The following MAS1 variants were observed in gnomAD, a reference collection of about 807,000 sequenced individuals.
The protein encoded by MAS1 is proto-oncogene Mas.
For missense variants in MAS1, 387 were observed against 409.7 expected (o/e 0.94, Z 0.48); for synonymous variants, 163 against 164.2 (o/e 0.99, Z 0.05).
chr6:159,904,197 A>C (rs1352765726), intron 2 of MAS1, among the ~76,000 whole-genome samples: 1 of 151,858 alleles, frequency 6.6e-6, no homozygotes, highest in Non-Finnish European at 1.5e-5. Flanking sequence ...CAGTCCTTGA[A>C]TGTCTTCTCC....
At chr6:159,904,996 C>G (rs1782868240) in intron 2 of MAS1, among the ~76,000 whole-genome samples, 1 of 152,172 alleles carries the variant, frequency 6.6e-6, no homozygotes, top group African/African-American at 2.4e-5. Context: ...TGAGACGTTT[C>G]CCATCACACT....
At position 159,914,049 on chromosome 6, in the gene MAS1, G is replaced by A. The variant is rs1346691420; in HGVS notation, c.*6116G>A. 6.6e-6 allele frequency: 1 copy of A among 152,196 alleles called. No individual in the cohort carries two copies. Among genetic ancestry groups the A allele is most frequent in the Non-Finnish European group, 1.5e-5 (1 of 68,040 alleles). 9.4% of individuals were successfully genotyped at this position (152,196 alleles called of 1,614,324 possible). Reference sequence around the variant, plus strand: ...TCAAATGATAAGAGGCAAGTGCCAGGCACAAATGAAACACTCTTTTCTGGA... The same window carrying A: ...TCAAATGATAAGAGGCAAGTGCCAGACACAAATGAAACACTCTTTTCTGGA... On this transcript the variant is annotated 3_prime_UTR_variant, in exon 3 of 3. Coordinates refer to ENST00000674077, the MANE Select transcript of MAS1 (RefSeq NM_002377.4).
rs1285095158 is a variant in MAS1 at position 159,917,000 on chromosome 6, G to T, written c.*9067G>T. ...TAAAAATGTAAAAAAACTATTCTCA[G>T]CTTGTGGGTTTTACAAAAACAGGTG... On this transcript the variant is annotated 3_prime_UTR_variant, in exon 3 of 3. Coordinates refer to ENST00000674077, the MANE Select transcript of MAS1 (RefSeq NM_002377.4). 1.3e-5 allele frequency among the ~76,000 whole-genome samples: 2 copies of T among 152,188 alleles called. No homozygotes were observed. Among genetic ancestry groups the T allele is most frequent in the African/African-American group, 4.8e-5 (2 of 41,440 alleles).
chr6:159,905,360 G>A (rs572725345), intron 2 of MAS1, among the ~76,000 whole-genome samples: 2 of 152,284 alleles, frequency 1.3e-5, no homozygotes, highest in Admixed American at 6.5e-5. Context: ...GTTCTTTTCC[G>A]GGTCTCTGTC....
chr6:159,914,505 A>T lies in MAS1; in HGVS notation c.*6572A>T, dbSNP rs1441384017. 2.0e-5 allele frequency: 3 copies of T among 152,340 alleles called. No homozygotes were observed. In the East Asian group the frequency reaches 5.8e-4, roughly 29 times the overall value. 9.4% of individuals were successfully genotyped at this position (152,340 alleles called of 1,614,324 possible). A position where few individuals can be genotyped will look rare whatever the true frequency, so the allele number is the denominator to read the frequency against. Reference sequence around the variant, plus strand: ...TATTGCTGCTCTGTCAACATTTCCCAGTTCAGGGAAGATGTAAGTGGGTAT... The same window carrying T: ...TATTGCTGCTCTGTCAACATTTCCCTGTTCAGGGAAGATGTAAGTGGGTAT... On this transcript the variant is annotated 3_prime_UTR_variant, in exon 3 of 3. Coordinates refer to ENST00000674077, the MANE Select transcript of MAS1 (RefSeq NM_002377.4).
chr6:159,901,715 G>A (rs1782824204), intron 2 of MAS1, among the ~76,000 whole-genome samples: 1 of 152,062 alleles, frequency 6.6e-6, no homozygotes, highest in African/African-American at 2.4e-5. Flanking sequence ...CAAGCCAGGT[G>A]TGGTAGCATG....
At chr6:159,896,964 C>G (rs935399020) in intron 1 of MAS1, among the ~76,000 whole-genome samples, 7 of 152,128 alleles carry the variant, frequency 4.6e-5, no homozygotes, top group Non-Finnish European at 8.8e-5. Context: ...AGCTCCGCCT[C>G]TCGGGTTCAC....
Position 159,908,101 on chromosome 6 carries a change from G to T in MAS1, c.*168G>T. On this transcript the variant is annotated 3_prime_UTR_variant, in exon 3 of 3. Coordinates refer to ENST00000674077, the MANE Select transcript of MAS1 (RefSeq NM_002377.4). ...ATTGAACTCTTGTACTGTATCTTCTGGAAATGACCTGTCATTTCTGTACTT... is the reference window on the plus strand; with the variant it reads ...ATTGAACTCTTGTACTGTATCTTCTTGAAATGACCTGTCATTTCTGTACTT... 1 of 650,466 alleles carries T rather than the reference G, an allele frequency of 1.5e-6. No individual in the cohort carries two copies. The highest frequency in any genetic ancestry group is 3.8e-5 in the South Asian group (1 of 26,054). The allele number at this position is 650,466 out of a possible 1,614,324, so 40.3% of individuals were successfully genotyped here. A position where few individuals can be genotyped will look rare whatever the true frequency, so the allele number is the denominator to read the frequency against.
Position 159,909,399 on chromosome 6 carries a change from T to G in MAS1, c.*1466T>G, listed in dbSNP as rs1782939926. On this transcript the variant is annotated 3_prime_UTR_variant, in exon 3 of 3. Coordinates refer to ENST00000674077, the MANE Select transcript of MAS1 (RefSeq NM_002377.4). Reference sequence around the variant, plus strand: ...TGCTGCTTGTCCTTCCCCATCCTCTTCCTTTCTCAAAAGAAATGATGTGGG... The same window carrying G: ...TGCTGCTTGTCCTTCCCCATCCTCTGCCTTTCTCAAAAGAAATGATGTGGG... The G allele has an allele frequency of 6.6e-6, 1 of 152,184 alleles. No homozygotes were observed. Among genetic ancestry groups the G allele is most frequent in the Non-Finnish European group, 1.5e-5 (1 of 68,052 alleles). The allele number at this position is 152,184 out of a possible 1,614,324, so 9.4% of individuals were successfully genotyped here.
At position 159,914,025 on chromosome 6, in the gene MAS1, C is replaced by G. The variant is rs922535932; in HGVS notation, c.*6092C>G. 4 of 152,196 alleles carry G rather than the reference C, an allele frequency of 2.6e-5. No individual in the cohort carries two copies. The highest frequency in any genetic ancestry group is 5.9e-5 in the Non-Finnish European group (4 of 68,036). 9.4% of individuals were successfully genotyped at this position (152,196 alleles called of 1,614,324 possible). A position where few individuals can be genotyped will look rare whatever the true frequency, so the allele number is the denominator to read the frequency against. On this transcript the variant is annotated 3_prime_UTR_variant, in exon 3 of 3. Transcript: ENST00000674077. ...CTTACCCAACATGAAACTAATGATTCAAATGATAAGAGGCAAGTGCCAGGC... is the reference window on the plus strand; with the variant it reads ...CTTACCCAACATGAAACTAATGATTGAAATGATAAGAGGCAAGTGCCAGGC...
At position 159,894,967 on chromosome 6, in the gene MAS1, A is replaced by C. The variant is rs375454813; in HGVS notation, c.-244+3834A>C. On this transcript the variant is annotated intron_variant, in intron 1 of 2. Transcript: ENST00000674077. ...GTATTGGGTAGGTGGTGCTTTAATA[A>C]ATAAAAATCCATTCTTTGATAAATA... Among the ~76,000 whole-genome samples the C allele has an allele frequency of 5.8e-4, 88 of 152,330 alleles. 1 individual carries two copies. Among genetic ancestry groups the C allele is most frequent in the Middle Eastern group, 6.8e-3 (2 of 294 alleles).
chr6:159,890,378 G>A (rs958053614), upstream of MAS1, among the ~76,000 whole-genome samples: 8 of 152,144 alleles, frequency 5.3e-5, no homozygotes, highest in South Asian at 2.1e-4. Context: ...AGGAGCCCCC[G>A]GACCAGGCTG....
At position 159,907,515 on chromosome 6, in the gene MAS1, T is replaced by A; in HGVS notation, c.560T>A (p.Val187Asp). 3.7e-6 allele frequency: 6 copies of A among 1,613,982 alleles called. No homozygotes were observed. The highest frequency in any genetic ancestry group is 5.1e-6 in the Non-Finnish European group (6 of 1,180,004). The stretch of plus-strand genomic sequence containing the variant: ...CACTCTCGGAATGACTGCCGAGCAG[T>A]CATCATCTTTATAGCCATCCTGAGC... ...ESHSRNDCRA[V>D]IIFIAILSFL... Residue 187 changes from valine to aspartate, a missense_variant, in exon 3 of 3, where the codon GTC becomes GAC. Transcript: ENST00000674077.
At position 159,908,977 on chromosome 6, in the gene MAS1, CT is replaced by C. The variant is rs397972070; in HGVS notation, c.*1059del. 4.5e-3 allele frequency: 617 copies of C among 136,400 alleles called. 1 individual carries two copies. The highest frequency in any genetic ancestry group is 6.1e-3 in the African/African-American group (226 of 37,292). The allele number at this position is 136,400 out of a possible 1,614,324, so 8.4% of individuals were successfully genotyped here. ...CTGTCTGCCTCCTCTCCTCCTGAGGCTTTTTTTTTTTTTTTCATCACACCTG... is the reference window on the plus strand; with the variant it reads ...CTGTCTGCCTCCTCTCCTCCTGAGGCTTTTTTTTTTTTTTCATCACACCTG... On this transcript the variant is annotated 3_prime_UTR_variant, in exon 3 of 3. Transcript: ENST00000674077.
intron 1 of MAS1, among the ~76,000 whole-genome samples, chr6:159,891,941 A>G (rs1198555140): frequency 1.3e-5 from 2 of 152,122 alleles, no homozygotes; most frequent in African/African-American, 4.8e-5. Context: ...CTTGTATATT[A>G]TAGGATGTTT....
chr6:159,903,072 G>A lies in MAS1; in HGVS notation c.-37+3680G>A, dbSNP rs74352300. Among the ~76,000 whole-genome samples, 975 of 152,068 alleles carry A rather than the reference G, an allele frequency of 6.4e-3. 6 individuals carry two copies. Among genetic ancestry groups the A allele is most frequent in the African/African-American group, 0.02 (830 of 41,464 alleles). On this transcript the variant is annotated intron_variant, in intron 2 of 2. Coordinates refer to ENST00000674077, the MANE Select transcript of MAS1 (RefSeq NM_002377.4). ...CACTGCCCCAGGCTCAGTTTTAAGC[G>A]TCACGTTCTCCAGCCCCCACCTCCT...
At chr6:159,896,804 G>C (rs765547211) in intron 1 of MAS1, among the ~76,000 whole-genome samples, 1 of 152,128 alleles carries the variant, frequency 6.6e-6, no homozygotes, top group Non-Finnish European at 1.5e-5. Flanking sequence ...CTAAACTAGA[G>C]ACCAGAGTTT....
In MAS1 at chr6:159,908,447, A is replaced by G. The variant is rs1409919657; in HGVS notation, c.*514A>G. On this transcript the variant is annotated 3_prime_UTR_variant, in exon 3 of 3. Coordinates refer to ENST00000674077, the MANE Select transcript of MAS1 (RefSeq NM_002377.4). Reference sequence around the variant, plus strand: ...ACCTGGCACATTGTGGATGTTCAACAAATATCAGTCTCTCCTCACTCCCTT... The same window carrying G: ...ACCTGGCACATTGTGGATGTTCAACGAATATCAGTCTCTCCTCACTCCCTT... The G allele has an allele frequency of 1.3e-5, 2 of 152,292 alleles. No individual in the cohort carries two copies. The highest frequency in any genetic ancestry group is 3.9e-4 in the East Asian group (2 of 5,182). 9.4% of individuals were successfully genotyped at this position (152,292 alleles called of 1,614,324 possible). A position where few individuals can be genotyped will look rare whatever the true frequency, so the allele number is the denominator to read the frequency against.
rs756355062 is a variant in MAS1, at chr6:159,907,803, T to A, written c.848T>A (p.Val283Glu). ...SSANPFIYFF[V>E]GSSKKKRFKE... Reference sequence around the variant, plus strand: ...GCCAACCCTTTCATTTACTTCTTTGTGGGAAGCAGTAAGAAGAAGAGATTC... The same window carrying A: ...GCCAACCCTTTCATTTACTTCTTTGAGGGAAGCAGTAAGAAGAAGAGATTC... The change falls in exon 3 of 3, where the codon GTG becomes GAG. Residue 283 changes from valine (V) to glutamate (E), a missense_variant. Physicochemically the swap from Val to Glu is moderately radical, Grantham distance 121 (BLOSUM62 -2). Coordinates refer to ENST00000674077, the MANE Select transcript of MAS1 (RefSeq NM_002377.4). 10 of 1,613,042 alleles carry A rather than the reference T, an allele frequency of 6.2e-6. No homozygotes were observed. In the South Asian group the frequency reaches 9.9e-5, roughly 16 times the overall value.
Sources: allele counts gnomAD v4.1 joint callset (sites outside exome capture counted in the v4.1 genomes callset), GRCh38; gene constraint gnomAD v4.1.1; transcripts MANE v1.5; gene names NCBI Gene and HGNC (gene_info 2026-07-23, HGNC 2026-07-21).